The following GLT1D1 variants were observed in gnomAD, a reference collection of about 807,000 sequenced individuals.
The protein encoded by GLT1D1 is glycosyltransferase 1 domain containing 1.
Under a neutral mutation model 28.7 loss-of-function variants are expected in GLT1D1, and 21 were observed. That is an observed-to-expected ratio of 0.73 (90% confidence interval 0.52 to 1.05). The LOEUF (loss-of-function observed/expected upper bound fraction) is 1.05. GLT1D1 is among the 50% of genes least tolerant of loss of function. The pLI is 0.00. For missense variants in GLT1D1, 343 were observed against 330.6 expected (o/e 1.04, Z -0.29); for synonymous variants, 147 against 124.8 (o/e 1.18, Z -1.19).
At chr12:128,865,563 C>T (rs769409226) in intron 1 of GLT1D1, among the ~76,000 whole-genome samples, 9 of 152,156 alleles carry the variant, frequency 5.9e-5, no homozygotes, top group African/African-American at 1.2e-4. Flanking sequence ...TGGCTCACGC[C>T]TGTAATCCCA....
At chr12:128,972,614 C>T (rs1037672481) in intron 7 of GLT1D1, among the ~76,000 whole-genome samples, 11 of 152,226 alleles carry the variant, frequency 7.2e-5, no homozygotes, top group Non-Finnish European at 1.6e-4. Flanking sequence ...AATGCTTGCT[C>T]TGCAGATACA....
chr12:128,934,914 G>C (rs1422244006), intron 4 of GLT1D1, among the ~76,000 whole-genome samples: 1 of 151,836 alleles, frequency 6.6e-6, no homozygotes, highest in South Asian at 2.1e-4. Context: ...CAAGGATGGG[G>C]TCCAGGTCAG....
chr12:128,879,412 T>TTCTTTCTTTCTTTCTTTC (rs1433080997), intron 2 of GLT1D1, among the ~76,000 whole-genome samples: 1 of 98,658 alleles, frequency 1.0e-5, no homozygotes, highest in Admixed American at 1.1e-4. Context: ...CTTTCTTTCT[T>TTCTTTCTTTCTTTCTTTC]TCTTTCTTTC....
At chr12:128,890,368 G>A (rs112185440) in intron 3 of GLT1D1, among the ~76,000 whole-genome samples, 182 of 152,198 alleles carry the variant, frequency 1.2e-3, no homozygotes, top group African/African-American at 3.9e-3. Context: ...TGTGTCTTTT[G>A]ACAAGGCATA....
chr12:128,975,486 T>C (rs1290929238), intron 7 of GLT1D1, among the ~76,000 whole-genome samples: 1 of 152,180 alleles, frequency 6.6e-6, no homozygotes, highest in East Asian at 1.9e-4. Context: ...GGTCTCACTC[T>C]GTCACCCAAG....
chr12:128,881,552 AAAAAAAAAAATATATATATATATAT>A (rs1368556127), intron 2 of GLT1D1, among the ~76,000 whole-genome samples: 1 of 74,692 alleles, frequency 1.3e-5, no homozygotes, highest in African/African-American at 6.1e-5. Context: ...AAAAAAAAAA[AAAAAAAAAAATATATATATATATAT>A]ATATATATAT....
rs113496068 is a variant in GLT1D1, at chr12:128,960,763, T to TA, written c.639+3131dup. Among the ~76,000 whole-genome samples the TA allele has an allele frequency of 3.0e-3, 446 of 147,128 alleles. 4 individuals are homozygous for TA. In the Middle Eastern group the frequency reaches 0.035, roughly 11 times the overall value. On this transcript the variant is annotated intron_variant, in intron 7 of 7. Coordinates refer to ENST00000281703, the MANE Select transcript of GLT1D1 (RefSeq NM_144669.3). ...AGCCTGGGTGACAGAGCTGGGTATC[T>TA]AAAAAAAAAAATTAAATATATATTT...
intron 4 of GLT1D1, among the ~76,000 whole-genome samples, chr12:128,939,805 C>T (rs1874948588): frequency 6.7e-6 from 1 of 148,484 alleles, no homozygotes; most frequent in Non-Finnish European, 1.5e-5. Context: ...CATCGCGAGA[C>T]AACACTGGGG....
At position 128,970,799 on chromosome 12, in the gene GLT1D1, T is replaced by G. The variant is rs556136605; in HGVS notation, c.640-12130T>G. ...TGGGTTTCCTCTGTCCCCGCACCTG[T>G]GTCTGTGTACACTGCACTCTTTGCC... On this transcript the variant is annotated intron_variant, in intron 7 of 7. Transcript: ENST00000281703. Among the ~76,000 whole-genome samples, 613 of 152,316 alleles carry G rather than the reference T, an allele frequency of 4.0e-3. 3 individuals carry two copies. The highest frequency in any genetic ancestry group is 0.024 in the Middle Eastern group (7 of 294).
intron 7 of GLT1D1, among the ~76,000 whole-genome samples, chr12:128,959,245 T>C (rs1877645303): frequency 6.6e-6 from 1 of 151,714 alleles, no homozygotes; most frequent in Admixed American, 6.6e-5. Context: ...AAAACTCAAA[T>C]ACTTGAATAT....
chr12:128,873,385 C>T (rs775342993), intron 1 of GLT1D1, among the ~76,000 whole-genome samples: 2 of 152,182 alleles, frequency 1.3e-5, no homozygotes, highest in Non-Finnish European at 2.9e-5. Context: ...GGCAAAAGAA[C>T]ATGATTAGGT....
At chr12:128,929,484 G>C (rs910680657) in intron 4 of GLT1D1, among the ~76,000 whole-genome samples, 25 of 152,300 alleles carry the variant, frequency 1.6e-4, no homozygotes, top group African/African-American at 5.8e-4. Flanking sequence ...CTGAAAATCT[G>C]AGTGAAGCGA....
At chr12:128,866,720 A>G (rs146111003) in intron 1 of GLT1D1, among the ~76,000 whole-genome samples, 12 of 150,988 alleles carry the variant, frequency 7.9e-5, no homozygotes, top group Admixed American at 4.6e-4. Context: ...TCCCTGGTTC[A>G]AGCGATTCTC....
intron 7 of GLT1D1, among the ~76,000 whole-genome samples, chr12:128,959,419 GA>G (rs1210266169): frequency 5.0e-5 from 4 of 80,784 alleles, no homozygotes; most frequent in Admixed American, 1.3e-4. Context: ...AGTGGGGGGG[GA>G]CGGGTGGGGA....
At chr12:128,867,854 G>T (rs1566085876) in intron 1 of GLT1D1, among the ~76,000 whole-genome samples, 1 of 152,190 alleles carries the variant, frequency 6.6e-6, no homozygotes, top group Non-Finnish European at 1.5e-5. Context: ...AGGGGGCAGA[G>T]GTCAATGGTC....
chr12:128,853,708 C>T, intron 1 of GLT1D1, 59 bp downstream of exon 1: 3 of 1,004,012 alleles, frequency 3.0e-6, no homozygotes, highest in Middle Eastern at 4.6e-4. Flanking sequence ...GGCGGGGACG[C>T]GGGACCCGGG....
chr12:128,908,648 G>C (rs986300007), intron 4 of GLT1D1, among the ~76,000 whole-genome samples: 2 of 134,436 alleles, frequency 1.5e-5, no homozygotes, highest in African/African-American at 4.9e-5. Flanking sequence ...AGGGCAGCAG[G>C]AAGGAAAATA....
At position 128,881,044 on chromosome 12, in the gene GLT1D1, G is replaced by A. The variant is rs188533527; in HGVS notation, c.217+4982G>A. Among the ~76,000 whole-genome samples, 740 of 151,162 alleles carry A rather than the reference G, an allele frequency of 4.9e-3. 12 individuals are homozygous for A. The highest frequency in any genetic ancestry group is 0.017 in the African/African-American group (680 of 41,164). ...TCGAGACCATCTTGGCTAACACGGT[G>A]AAACCCCGTCTCTACTAAAAATACA... On this transcript the variant is annotated intron_variant, in intron 2 of 7. Coordinates refer to ENST00000281703, the MANE Select transcript of GLT1D1 (RefSeq NM_144669.3).
At chr12:128,895,419 G>A (rs1869513334) in intron 3 of GLT1D1, among the ~76,000 whole-genome samples, 2 of 151,986 alleles carry the variant, frequency 1.3e-5, no homozygotes, top group South Asian at 4.1e-4. Context: ...GGCAAGTTAG[G>A]GGAGGGGTCG....
Sources: allele counts gnomAD v4.1 joint callset (sites outside exome capture counted in the v4.1 genomes callset), GRCh38; gene constraint gnomAD v4.1.1; transcripts MANE v1.5; gene names NCBI Gene and HGNC (gene_info 2026-07-23, HGNC 2026-07-21).